The following USH2A variants were observed in gnomAD, a reference collection of about 807,000 sequenced individuals.
USH2A encodes the protein usherin.
A neutral mutation model predicts 538.9 loss-of-function variants in USH2A; 443 were observed. That is an observed-to-expected ratio of 0.82 (90% CI 0.76 to 0.89). The LOEUF is 0.89. Ranked by LOEUF, USH2A falls within the 40% of genes least tolerant of loss-of-function variation. The pLI is 0.00. For synonymous variants in USH2A, 2,413 were observed against 2,273.5 expected (o/e 1.06, Z -1.75); for missense variants, 6,633 against 6,324.8 (o/e 1.05, Z -1.65).
intron 64 of USH2A, among the ~76,000 whole-genome samples, chr1:215,660,036 T>C (rs953703072): frequency 3.3e-5 from 5 of 152,242 alleles, no homozygotes; most frequent in Admixed American, 2.6e-4. Context: ...AATACATTTA[T>C]AAATATTTCA....
At chr1:215,633,888 C>T (rs1241760796) in intron 70 of USH2A, among the ~76,000 whole-genome samples, 2 of 152,086 alleles carry the variant, frequency 1.3e-5, no homozygotes, top group Non-Finnish European at 2.9e-5. Flanking sequence ...CTTTACTGGA[C>T]CTCCTATTTT....
At chr1:215,825,803 C>A (rs1353789991) in intron 47 of USH2A, among the ~76,000 whole-genome samples, 1 of 152,160 alleles carries the variant, frequency 6.6e-6, no homozygotes, top group Non-Finnish European at 1.5e-5. Flanking sequence ...TAATTCTTTG[C>A]TTTCAAGTCA....
At chr1:215,781,583 T>C (rs1437709934) in intron 54 of USH2A, among the ~76,000 whole-genome samples, 2 of 152,198 alleles carry the variant, frequency 1.3e-5, no homozygotes, top group African/African-American at 2.4e-5. Context: ...CATTATTTCT[T>C]GACAAGGCTA....
At chr1:215,796,789 C>G (rs1157951900) in intron 50 of USH2A, among the ~76,000 whole-genome samples, 6 of 152,180 alleles carry the variant, frequency 3.9e-5, no homozygotes, top group Non-Finnish European at 8.8e-5. Flanking sequence ...AAAACTAGAC[C>G]TCTCATGCCC....
At chr1:215,753,727 G>C (rs1018910248) in intron 58 of USH2A, among the ~76,000 whole-genome samples, 5 of 151,946 alleles carry the variant, frequency 3.3e-5, no homozygotes, top group Admixed American at 2.6e-4. Flanking sequence ...CGAGTTAATG[G>C]GTGCAGCACA....
intron 3 of USH2A, among the ~76,000 whole-genome samples, chr1:216,394,676 G>C (rs971582564): frequency 6.9e-6 from 1 of 145,894 alleles, no homozygotes; most frequent in Admixed American, 6.8e-5. Flanking sequence ...TTGTCAATTT[G>C]TCATATAGTT....
chr1:216,159,988 T>G (rs1170792390), intron 21 of USH2A, among the ~76,000 whole-genome samples: 1 of 152,098 alleles, frequency 6.6e-6, no homozygotes, highest in African/African-American at 2.4e-5. Context: ...TTTTAATGTC[T>G]GTAAGATTTC....
intron 15 of USH2A, among the ~76,000 whole-genome samples, chr1:216,217,027 C>T (rs1464826920): frequency 1.3e-5 from 2 of 151,936 alleles, no homozygotes; most frequent in African/African-American, 4.8e-5. Flanking sequence ...GTCTTTGTGT[C>T]GGTGACCAAC....
intron 4 of USH2A, among the ~76,000 whole-genome samples, chr1:216,348,700 T>A (rs1237593002): frequency 2.0e-5 from 3 of 152,142 alleles, no homozygotes; most frequent in Non-Finnish European, 4.4e-5. Context: ...TAATTTGTCT[T>A]TAGTAAAAAT....
intron 11 of USH2A, among the ~76,000 whole-genome samples, chr1:216,286,477 C>G (rs1348990882): frequency 6.6e-6 from 1 of 152,100 alleles, no homozygotes; most frequent in Non-Finnish European, 1.5e-5. Flanking sequence ...GCCTGTAATC[C>G]TAGCACTTTG....
At chr1:215,647,033 C>T (rs902522209) in intron 67 of USH2A, among the ~76,000 whole-genome samples, 10 of 152,168 alleles carry the variant, frequency 6.6e-5, no homozygotes, top group African/African-American at 1.9e-4. Flanking sequence ...ATATTTCCAT[C>T]GTTAAGCGAT....
intron 32 of USH2A, 111 bp from the exon 33 acceptor site, chr1:216,000,673 A>G: frequency 7.8e-7 from 1 of 1,287,114 alleles, no homozygotes; most frequent in Non-Finnish European, 1.1e-6. Flanking sequence ...AAGGCTTAAA[A>G]TATGAATAAA....
In USH2A at chr1:215,625,420, A is replaced by C. The variant is rs1273332640; in HGVS notation, c.*361T>G. On this transcript the variant is annotated 3_prime_UTR_variant, in exon 72 of 72. Coordinates refer to ENST00000307340, the MANE Select transcript of USH2A (RefSeq NM_206933.4). ...TCAACAGAATCATTTTTGAGCCAGT[A>C]ACTAACTTACTACTTCTAACAACTG... The C allele has an allele frequency of 9.5e-6, 3 of 317,124 alleles. No homozygotes were observed. The highest frequency in any genetic ancestry group is 4.6e-5 in the Admixed American group (1 of 21,814). The allele number at this position is 317,124 out of a possible 1,614,324, so 19.6% of individuals were successfully genotyped here.
chr1:216,215,636 TAC>T (rs2035328805), intron 15 of USH2A, among the ~76,000 whole-genome samples: 2 of 152,120 alleles, frequency 1.3e-5, no homozygotes, highest in African/African-American at 2.4e-5. Flanking sequence ...CTTCCAACTT[TAC>T]ACAGTGTTTC....
intron 35 of USH2A, among the ~76,000 whole-genome samples, chr1:215,992,438 CA>C (rs1306503098): frequency 6.6e-6 from 1 of 152,054 alleles, no homozygotes; most frequent in African/African-American, 2.4e-5. Context: ...CTAAACTGTA[CA>C]AAAACATATA....
intron 21 of USH2A, among the ~76,000 whole-genome samples, chr1:216,100,852 T>C (rs933736366): frequency 1.3e-5 from 2 of 152,214 alleles, no homozygotes; most frequent in African/African-American, 2.4e-5. Context: ...CAAGTTCGTG[T>C]GTTTTTCTAA....
At chr1:216,027,192 G>C (rs1016634605) in intron 32 of USH2A, among the ~76,000 whole-genome samples, 1 of 152,256 alleles carries the variant, frequency 6.6e-6, no homozygotes, top group East Asian at 1.9e-4. Flanking sequence ...AGGCCATTAT[G>C]ATGAGCCTTA....
intron 9 of USH2A, among the ~76,000 whole-genome samples, chr1:216,320,876 A>G (rs2037593950): frequency 6.6e-6 from 1 of 152,078 alleles, no homozygotes; most frequent in Non-Finnish European, 1.5e-5. Context: ...ATTTATCACT[A>G]CCTTACATTT....
At chr1:216,166,135 A>G (rs1194450805) in intron 21 of USH2A, among the ~76,000 whole-genome samples, 1 of 152,116 alleles carries the variant, frequency 6.6e-6, no homozygotes, top group African/African-American at 2.4e-5. Context: ...CAGATTTGGC[A>G]TGGGAGGAGG....
Sources: allele counts gnomAD v4.1 joint callset (sites outside exome capture counted in the v4.1 genomes callset), GRCh38; gene constraint gnomAD v4.1.1; transcripts MANE v1.5; gene names NCBI Gene and HGNC (gene_info 2026-07-23, HGNC 2026-07-21).